The following HDAC4 variants were observed in gnomAD, a reference collection of about 807,000 sequenced individuals.
The protein encoded by HDAC4 is histone deacetylase 4.
HDAC4 carries 16 observed loss-of-function variants against 135.1 expected under a neutral mutation model. That is an observed-to-expected ratio of 0.12 (90% CI 0.08 to 0.18). The LOEUF (loss-of-function observed/expected upper bound fraction) is 0.18, where lower values mean the gene tolerates loss of function less well. Ranked by LOEUF, HDAC4 falls within the 10% of genes least tolerant of loss-of-function variation. The pLI is 1.00. For synonymous variants in HDAC4, 685 were observed against 653.4 expected, an observed-to-expected ratio of 1.05 and a Z score of -0.74; for missense variants, 1,143 against 1,511.8, an observed-to-expected ratio of 0.76 and a Z score of 4.05.
In HDAC4 at chr2:239,228,010, G is replaced by A. The variant is rs940158909; in HGVS notation, c.94+8583C>T. The stretch of plus-strand genomic sequence containing the variant: ...GCTGGGCTGGGTTTCACTTGAGACA[G>A]TTGCTCCTAGGGACATTGCCACAAA... On this transcript the variant is annotated intron_variant, in intron 3 of 26. Transcript: ENST00000543185. Among the ~76,000 whole-genome samples, 15 of 152,226 alleles carry A rather than the reference G, an allele frequency of 9.9e-5. 1 individual carries two copies. Among genetic ancestry groups the A allele is most frequent in the Admixed American group, 2.6e-4 (4 of 15,282 alleles).
Position 239,132,785 on chromosome 2 carries a change from T to C in HDAC4, c.1294+1460A>G, listed in dbSNP as rs56163031. ...AACTGATTTAGAGAAGGAAAGAAGA[T>C]AAGTGACAAACATCTCTGACGAAGT... On this transcript the variant is annotated intron_variant, in intron 11 of 26. Coordinates refer to ENST00000543185, the MANE Select transcript of HDAC4 (RefSeq NM_001378414.1). Among the ~76,000 whole-genome samples the C allele has an allele frequency of 6.2e-3, 937 of 152,318 alleles. 1 individual carries two copies. Among genetic ancestry groups the C allele is most frequent in the Non-Finnish European group, 9.6e-3 (655 of 68,020 alleles).
intron 2 of HDAC4, among the ~76,000 whole-genome samples, chr2:239,266,177 C>T (rs2049716109): frequency 6.6e-6 from 1 of 152,192 alleles, no homozygotes; most frequent in Non-Finnish European, 1.5e-5. Context: ...GCCATAGCCC[C>T]TCGCCGGCAT....
chr2:239,117,133 G>C (rs1317397245), intron 12 of HDAC4, among the ~76,000 whole-genome samples: 1 of 152,232 alleles, frequency 6.6e-6, no homozygotes, highest in Non-Finnish European at 1.5e-5. Flanking sequence ...AGGGTGTATG[G>C]CTGACCTCAA....
chr2:239,152,903 C>A (rs1448121238), intron 7 of HDAC4, among the ~76,000 whole-genome samples: 3 of 152,340 alleles, frequency 2.0e-5, no homozygotes, highest in South Asian at 4.1e-4. Context: ...AAGGACTTTG[C>A]AAATATTAAT....
chr2:239,247,129 T>C (rs921479551), intron 2 of HDAC4, among the ~76,000 whole-genome samples: 2 of 152,270 alleles, frequency 1.3e-5, no homozygotes, highest in African/African-American at 4.8e-5. Flanking sequence ...AGACTAGCTC[T>C]GCGGTCTGCT....
At position 239,342,867 on chromosome 2, in the gene HDAC4, G is replaced by A. The variant is rs528363305; in HGVS notation, c.22+9811C>T. ...AGCGTCGTCTTGGAGGGAAACAGCC[G>A]CCTACACTGTCAAGGGGGCTCCCAA... On this transcript the variant is annotated intron_variant, in intron 2 of 26. Coordinates refer to ENST00000543185, the MANE Select transcript of HDAC4 (RefSeq NM_001378414.1). Among the ~76,000 whole-genome samples, 931 of 152,022 alleles carry A rather than the reference G, an allele frequency of 6.1e-3. 7 individuals are homozygous for A. Among genetic ancestry groups the A allele is most frequent in the African/African-American group, 0.021 (889 of 41,476 alleles).
intron 11 of HDAC4, among the ~76,000 whole-genome samples, chr2:239,128,490 T>C (rs933103322): frequency 1.3e-5 from 2 of 151,322 alleles, no homozygotes; most frequent in African/African-American, 4.9e-5. Context: ...ATAATGCCAC[T>C]GCACTTCAGC....
At chr2:239,111,753 TC>T in intron 13 of HDAC4, 41 bp from the exon 14 acceptor site, 1 of 1,536,926 alleles carries the variant, frequency 6.5e-7, no homozygotes, top group Non-Finnish European at 8.8e-7. Flanking sequence ...TGCGGATGTC[TC>T]CCGCCCCTGG....
chr2:239,377,643 A>G (rs1695110183), intron 1 of HDAC4, among the ~76,000 whole-genome samples: 1 of 152,230 alleles, frequency 6.6e-6, no homozygotes, highest in Non-Finnish European at 1.5e-5. Flanking sequence ...AGGAGGCCCC[A>G]GGGCCACAGT....
intron 2 of HDAC4, among the ~76,000 whole-genome samples, chr2:239,256,375 T>C (rs1360977603): frequency 6.6e-6 from 1 of 152,264 alleles, no homozygotes; most frequent in Non-Finnish European, 1.5e-5. Flanking sequence ...GTTTGCTTTT[T>C]CTGTGAATTC....
chr2:239,339,718 C>T (rs1356629345), intron 2 of HDAC4, among the ~76,000 whole-genome samples: 1 of 152,206 alleles, frequency 6.6e-6, no homozygotes, highest in East Asian at 1.9e-4. Context: ...TTAGAAAATG[C>T]AGTCCTTGAG....
intron 4 of HDAC4, among the ~76,000 whole-genome samples, chr2:239,184,017 T>C (rs2153024428): frequency 8.1e-6 from 1 of 124,210 alleles, no homozygotes; most frequent in East Asian, 2.4e-4. Context: ...ACAAGTCACA[T>C]GGACACACAC....
Position 239,107,966 on chromosome 2 carries a change from A to G in HDAC4, c.2112+84T>C, listed in dbSNP as rs1191280617. 11 of 1,558,272 alleles carry G rather than the reference A, an allele frequency of 7.1e-6. No homozygotes were observed. The East Asian group carries it at 1.8e-4, about 25-fold the overall frequency. ...GCCCAAAGAACCACCTGCAAAACCA[A>G]CACCCTGAATCACGCGGGCCCACGA... On this transcript the variant is annotated intron_variant, in intron 15 of 26. Coordinates refer to ENST00000543185, the MANE Select transcript of HDAC4 (RefSeq NM_001378414.1).
chr2:239,112,651 G>A (rs3791417), intron 13 of HDAC4, among the ~76,000 whole-genome samples: 104,676 of 152,034 alleles, frequency 0.69, 36,267 homozygotes, highest in South Asian at 0.85. Context: ...GGAGTGGAGG[G>A]AGCAGGGCAG....
rs1182831928 is a variant in HDAC4, at chr2:239,105,058, AG to A, written c.2113-2163del. On this transcript the variant is annotated intron_variant, in intron 15 of 26. Coordinates refer to ENST00000543185, the MANE Select transcript of HDAC4 (RefSeq NM_001378414.1). ...TGCAATATTGTGACGGCTCAGACTG[AG>A]CACCTGAGAGGCTTTTCCAGAGCCA... Among the ~76,000 whole-genome samples the A allele has an allele frequency of 7.9e-5, 12 of 152,328 alleles. No homozygotes were observed. In the South Asian group the frequency reaches 2.5e-3, roughly 32 times the overall value.
At chr2:239,159,297 T>G (rs1366481854) in intron 6 of HDAC4, among the ~76,000 whole-genome samples, 3 of 136,522 alleles carry the variant, frequency 2.2e-5, no homozygotes, top group Non-Finnish European at 4.7e-5. Context: ...ACCTCACTAC[T>G]CACGCCCAAC....
intron 4 of HDAC4, among the ~76,000 whole-genome samples, chr2:239,178,228 G>C (rs2043897685): frequency 6.6e-6 from 1 of 152,204 alleles, no homozygotes; most frequent in Non-Finnish European, 1.5e-5. Context: ...TGGTCTGTCT[G>C]CTGTCCCCAG....
chr2:239,127,503 T>C (rs1400781481), intron 11 of HDAC4, among the ~76,000 whole-genome samples: 2 of 152,250 alleles, frequency 1.3e-5, no homozygotes, highest in Non-Finnish European at 2.9e-5. Context: ...TCCATGGTTT[T>C]GTGGGCAAAA....
chr2:239,293,496 G>A (rs1008613807), intron 2 of HDAC4, among the ~76,000 whole-genome samples: 3 of 152,158 alleles, frequency 2.0e-5, no homozygotes, highest in African/African-American at 7.2e-5. Context: ...AGGGCGGAGA[G>A]CAGCAAAGGA....
Sources: allele counts gnomAD v4.1 joint callset (sites outside exome capture counted in the v4.1 genomes callset), GRCh38; gene constraint gnomAD v4.1.1; transcripts MANE v1.5; gene names NCBI Gene and HGNC (gene_info 2026-07-23, HGNC 2026-07-21).